Variants in ZNF681 observed in about 807,000 individuals in gnomAD.
ZNF681 encodes hypothetical protein FLJ31526.
ZNF681 carries 37 observed loss-of-function variants against 56.0 expected under a neutral mutation model. The ratio of observed to expected loss-of-function variants is 0.66; its 90% CI spans 0.51 to 0.87. The LOEUF (loss-of-function observed/expected upper bound fraction) is 0.87, where lower values mean the gene tolerates loss of function less well. Ranked by LOEUF, ZNF681 falls within the 40% of genes least tolerant of loss-of-function variation. The pLI is 0.00. For synonymous variants in ZNF681, 225 were observed against 248.6 expected, an observed-to-expected ratio of 0.91 and a Z score of 0.89; for missense variants, 741 against 744.9, an observed-to-expected ratio of 0.99 and a Z score of 0.06.
chr19:23,743,725 T>C lies in ZNF681; in HGVS notation c.1825A>G (p.Lys609Glu). Residue 609 changes from lysine to glutamate, a missense_variant, in exon 4 of 4, where the codon AAG (lysine) becomes GAG (glutamate). Lys to Glu is a moderately conservative substitution (Grantham distance 56). Coordinates refer to ENST00000402377, the MANE Select transcript of ZNF681 (RefSeq NM_138286.3). ...AGTTTCTCACCAGTATGAATTTTCT[T>C]ATGTCCAGTAAGGTTTGAGGACTGG... ...FNQSSNLTGH[K>E]KIHTGEKLYK... The C allele has an allele frequency of 6.2e-7, 1 of 1,612,864 alleles. No individual in the cohort carries two copies. The highest frequency in any genetic ancestry group is 8.5e-7 in the Non-Finnish European group (1 of 1,179,482).
At chr19:23,749,528 A>T (rs938601225) in intron 3 of ZNF681, among the ~76,000 whole-genome samples, 1 of 152,188 alleles carries the variant, frequency 6.6e-6, no homozygotes, top group Non-Finnish European at 1.5e-5. Flanking sequence ...TGTAGCCTCA[A>T]ATTCCCAGAC....
intron 3 of ZNF681, among the ~76,000 whole-genome samples, chr19:23,746,812 A>G (rs2144842450): frequency 6.6e-6 from 1 of 152,354 alleles, no homozygotes; most frequent in East Asian, 1.9e-4. Context: ...GTTAGGATAC[A>G]CAACAAGTCT....
chr19:23,753,732 G>A (rs1168159807), intron 3 of ZNF681, among the ~76,000 whole-genome samples: 1 of 151,710 alleles, frequency 6.6e-6, no homozygotes, highest in Non-Finnish European at 1.5e-5. Context: ...CTGGTGGTGA[G>A]CACCTGTAGT....
intron 3 of ZNF681, among the ~76,000 whole-genome samples, chr19:23,746,710 CATAG>C (rs1423581033): frequency 5.3e-5 from 8 of 152,142 alleles, no homozygotes; most frequent in African/African-American, 1.9e-4. Context: ...CAGGTTGTAC[CATAG>C]ATAAACTAGG....
In ZNF681 at chr19:23,742,384, G is replaced by C. The variant is rs1413203145; in HGVS notation, c.*1228C>G. 1 of 151,946 alleles carries C rather than the reference G, an allele frequency of 6.6e-6. No individual in the cohort carries two copies. Among genetic ancestry groups the C allele is most frequent in the African/African-American group, 2.4e-5 (1 of 41,300 alleles). 9.4% of individuals were successfully genotyped at this position (151,946 alleles called of 1,614,324 possible). A position where few individuals can be genotyped will look rare whatever the true frequency, so the allele number is the denominator to read the frequency against. On this transcript the variant is annotated 3_prime_UTR_variant, in exon 4 of 4. Coordinates refer to ENST00000402377, the MANE Select transcript of ZNF681 (RefSeq NM_138286.3). ...CACATGCCTGTAATCCCAGCTACTC[G>C]GGAGGCTGAGGCAGGAGAATCCCTT...
chr19:23,745,203 C>A lies in ZNF681; in HGVS notation c.347G>T (p.Ser116Ile), dbSNP rs1292024793. 6.2e-7 allele frequency: 1 copy of A among 1,612,638 alleles called. No individual in the cohort carries two copies. The highest frequency in any genetic ancestry group is 8.5e-7 in the Non-Finnish European group (1 of 1,179,662). Reference protein sequence around the residue: ...CEHENLQLSKSVDECKVQKGG... With the variant: ...CEHENLQLSKIVDECKVQKGG... ...TTTTTGCACTTTGCACTCATCCACA[C>A]TTTTACTTAACTGTAAATTCTCATG... Residue 116 changes from serine (S) to isoleucine (I), a missense_variant, in exon 4 of 4, where the codon AGT becomes ATT. Physicochemically the swap from Ser to Ile is moderately radical, Grantham distance 142 (BLOSUM62 -2). Transcript: ENST00000402377.
At chr19:23,756,283 C>T (rs1274180699) in intron 1 of ZNF681, among the ~76,000 whole-genome samples, 1 of 151,444 alleles carries the variant, frequency 6.6e-6, no homozygotes, top group Non-Finnish European at 1.5e-5. Context: ...TGAGATGATG[C>T]CACTGCACTC....
At chr19:23,755,728 C>T (rs1345146768) in intron 1 of ZNF681, among the ~76,000 whole-genome samples, 177 bp from the exon 2 acceptor site, 3 of 152,078 alleles carry the variant, frequency 2.0e-5, no homozygotes, top group South Asian at 2.1e-4. Context: ...TTTTTTTACA[C>T]AGGAACATTC....
rs781265632 is a variant in ZNF681, at chr19:23,744,871, T to C, written c.679A>G (p.Ile227Val). The change falls in exon 4 of 4, where the codon ATA becomes GTA. Residue 227 changes from isoleucine to valine, a missense_variant. Ile to Val is a conservative substitution (Grantham distance 29). Transcript: ENST00000402377. ...CAGGCTTTGCCACATTCTTCACATA[T>C]GTACGATTTCTCTCCAATATGAATT... ...KRIHIGEKSY[I>V]CEECGKACNQ... 7.4e-6 allele frequency: 12 copies of C among 1,613,130 alleles called. No homozygotes were observed. Among genetic ancestry groups the C allele is most frequent in the African/African-American group, 1.3e-5 (1 of 75,062 alleles).
At position 23,743,998 on chromosome 19, in the gene ZNF681, A is replaced by T. The variant is rs1968903714; in HGVS notation, c.1552T>A (p.Ser518Thr). The T allele has an allele frequency of 6.2e-7, 1 of 1,612,720 alleles. No homozygotes were observed. The highest frequency in any genetic ancestry group is 1.3e-5 in the African/African-American group (1 of 74,718). The change falls in exon 4 of 4, where the codon TCC (serine) becomes ACC (threonine). Residue 518 changes from serine to threonine, a missense_variant. Ser to Thr is a moderately conservative substitution (Grantham distance 58). Coordinates refer to ENST00000402377, the MANE Select transcript of ZNF681 (RefSeq NM_138286.3). ...TTCTTATGTTCAGTAAGTTTTGAGG[A>T]TCGATAGAAAGCTTTGCCACATTCT... Reference protein sequence around the residue: ...CEECGKAFYRSSKLTEHKKIH... With the variant: ...CEECGKAFYRTSKLTEHKKIH...
At chr19:23,752,627 C>A (rs118049713) in intron 3 of ZNF681, among the ~76,000 whole-genome samples, 7,205 of 152,224 alleles carry the variant, frequency 0.047, 313 homozygotes, top group South Asian at 0.063. Context: ...ACTACCCAAG[C>A]CCCTTGTAAC....
At chr19:23,755,790 A>G (rs1969107933) in intron 1 of ZNF681, among the ~76,000 whole-genome samples, 2 of 152,150 alleles carry the variant, frequency 1.3e-5, no homozygotes, top group Admixed American at 1.3e-4. Context: ...GATCTATAAC[A>G]CCAGACCTAA....
rs1418319424 is a variant in ZNF681 at position 23,741,009 on chromosome 19, C to T, written c.*2603G>A. 1 of 152,038 alleles carries T rather than the reference C, an allele frequency of 6.6e-6. No homozygotes were observed. Among genetic ancestry groups the T allele is most frequent in the African/African-American group, 2.4e-5 (1 of 41,422 alleles). The allele number at this position is 152,038 out of a possible 1,614,324, so 9.4% of individuals were successfully genotyped here. ...CTGAATTATAAGCCATACAATTTTA[C>T]AGTAATCAATTCAATACAAAGCAGA... is the stretch of plus-strand genomic sequence containing the variant. On this transcript the variant is annotated 3_prime_UTR_variant, in exon 4 of 4. Coordinates refer to ENST00000402377, the MANE Select transcript of ZNF681 (RefSeq NM_138286.3).
Position 23,743,766 on chromosome 19 carries a change from C to T in ZNF681, c.1784G>A (p.Cys595Tyr). The stretch of plus-strand genomic sequence containing the variant: ...TGAGGACTGGTTAAAAGCTTTGCCA[C>T]ATTTTTCACATTGGTAGGGTTTCTC... ...TGEKPYQCEK[C>Y]GKAFNQSSNL... Residue 595 changes from cysteine to tyrosine, a missense_variant, in exon 4 of 4, where the codon TGT becomes TAT. By Grantham distance (194) the Cys-to-Tyr change is radical. Transcript: ENST00000402377. 1 of 1,613,770 alleles carries T rather than the reference C, an allele frequency of 6.2e-7. No individual in the cohort carries two copies. Among genetic ancestry groups the T allele is most frequent in the Non-Finnish European group, 8.5e-7 (1 of 1,179,844 alleles).
At chr19:23,749,088 G>A (rs1968986562) in intron 3 of ZNF681, among the ~76,000 whole-genome samples, 1 of 152,114 alleles carries the variant, frequency 6.6e-6, no homozygotes, top group Non-Finnish European at 1.5e-5. Context: ...CCAAAAGACT[G>A]AAGCAACCCT....
At chr19:23,757,535 C>G (rs1969140912) in intron 1 of ZNF681, among the ~76,000 whole-genome samples, 1 of 151,966 alleles carries the variant, frequency 6.6e-6, no homozygotes, top group Non-Finnish European at 1.5e-5. Context: ...GAATAGAAAA[C>G]AAGTTGCTAG....
intron 1 of ZNF681, among the ~76,000 whole-genome samples, chr19:23,756,659 G>A (rs536588072): frequency 6.6e-6 from 1 of 152,130 alleles, no homozygotes; most frequent in South Asian, 2.1e-4. Flanking sequence ...GAGGGACAAG[G>A]AGAGAAAGAG....
In ZNF681 at chr19:23,744,203, T is replaced by C; in HGVS notation, c.1347A>G (p.Pro449=). 4 of 1,611,378 alleles carry C rather than the reference T, an allele frequency of 2.5e-6. No individual in the cohort carries two copies. The highest frequency in any genetic ancestry group is 1.3e-5 in the African/African-American group (1 of 74,268). Residue 449 remains proline (P), a synonymous_variant, in exon 4 of 4, where the codon CCA becomes CCG. Transcript: ENST00000402377. ...CTTTCCCACATTCTTCACATTTGTATGGTTTCTCTTCAGTATGAATATTCT... is the reference window on the plus strand; with the variant it reads ...CTTTCCCACATTCTTCACATTTGTACGGTTTCTCTTCAGTATGAATATTCT... ...EHKNIHTEEK[P]YKCEECGKAF...
chr19:23,752,969 T>C (rs766099425), intron 3 of ZNF681, among the ~76,000 whole-genome samples: 1 of 152,228 alleles, frequency 6.6e-6, no homozygotes, highest in Admixed American at 6.5e-5. Context: ...GATCATATGA[T>C]AGTATATGTG....
Sources: gnomAD v4.1 joint callset for allele counts (sites outside exome capture counted in the v4.1 genomes callset) on GRCh38, gnomAD v4.1.1 for gene constraint, MANE v1.5 for transcripts, NCBI Gene and HGNC (gene_info 2026-07-23, HGNC 2026-07-21) for gene names.